Variants in TBXT observed in about 807,000 individuals in gnomAD.
TBXT encodes the protein T brachyury transcription factor.
A neutral mutation model predicts 41.1 loss-of-function variants in TBXT; 19 were observed. The ratio of observed to expected loss-of-function variants is 0.46; its 90% CI spans 0.32 to 0.68. TBXT has a LOEUF of 0.68. Ranked by LOEUF, TBXT falls within the 30% of genes least tolerant of loss-of-function variation. The probability of loss-of-function intolerance (pLI) is 0.03; values close to 1 mark genes in which losing one functional copy is unlikely to be tolerated. For missense variants in TBXT, 536 were observed against 582.0 expected (o/e 0.92, Z 0.81); for synonymous variants, 213 against 238.9 (o/e 0.89, Z 1.00).
intron 3 of TBXT, 55 bp downstream of exon 3, chr6:166,165,651 G>T: frequency 6.2e-7 from 1 of 1,612,328 alleles, no homozygotes; most frequent in Non-Finnish European, 8.5e-7. Flanking sequence ...TCTCCACGGA[G>T]CAGCACACCA....
At chr6:166,164,769 C>T (rs1779063429) in intron 4 of TBXT, 31 bp downstream of exon 4, 1 of 1,612,472 alleles carries the variant, frequency 6.2e-7, no homozygotes, top group African/African-American at 1.3e-5. Context: ...ACTTCTTTGC[C>T]CAAGGGTATT....
chr6:166,167,785 G>A lies in TBXT; in HGVS notation c.-194C>T, dbSNP rs1247426780. 4.6e-6 allele frequency: 3 copies of A among 648,170 alleles called. No homozygotes were observed. The highest frequency in any genetic ancestry group is 8.0e-6 in the Non-Finnish European group (3 of 376,104). The allele number at this position is 648,170 out of a possible 1,614,324, so 40.2% of individuals were successfully genotyped here. A position where few individuals can be genotyped will look rare whatever the true frequency, so the allele number is the denominator to read the frequency against. ...GGACCAAGACTTGGGGGGAGGGGACGGGGGCAGAGGGGTGGGGAGAAGTTA... is the reference window on the plus strand; with the variant it reads ...GGACCAAGACTTGGGGGGAGGGGACAGGGGCAGAGGGGTGGGGAGAAGTTA... On this transcript the variant is annotated 5_prime_UTR_variant, in exon 1 of 8. Transcript: ENST00000366876.
intron 7 of TBXT, among the ~76,000 whole-genome samples, chr6:166,160,228 G>C (rs967961881): frequency 6.6e-6 from 1 of 152,106 alleles, no homozygotes; most frequent in African/African-American, 2.4e-5. Flanking sequence ...TAATTTGTAA[G>C]CCTTTTTCCC....
At chr6:166,165,665 C>T (rs764607468) in intron 3 of TBXT, 41 bp downstream of exon 3, 3 of 1,612,786 alleles carry the variant, frequency 1.9e-6, no homozygotes, top group East Asian at 2.2e-5. Flanking sequence ...CACACCACAC[C>T]GCAGCACACC....
chr6:166,160,907 T>C lies in TBXT; in HGVS notation c.967A>G (p.Ser323Gly). 1 of 1,614,162 alleles carries C rather than the reference T, an allele frequency of 6.2e-7. No individual in the cohort carries two copies. Among genetic ancestry groups the C allele is most frequent in the Non-Finnish European group, 8.5e-7 (1 of 1,180,028 alleles). The change falls in exon 7 of 8, where the codon AGC becomes GGC. Residue 323 changes from serine to glycine, a missense_variant. Coordinates refer to ENST00000366876, the MANE Select transcript of TBXT (RefSeq NM_001366285.2). Reference protein sequence around the residue: ...SMLQSHDNWSSLGMPAHPSML... With the variant: ...SMLQSHDNWSGLGMPAHPSML... The stretch of plus-strand genomic sequence containing the variant: ...CTGGGATGGGCAGGCATTCCAAGGC[T>C]GGACCAATTGTCATGGGATTGCAGC...
Position 166,167,378 on chromosome 6 carries a change from G to T in TBXT, c.206+8C>A, listed in dbSNP as rs1358357488. The T allele has an allele frequency of 1.2e-6, 2 of 1,612,096 alleles. No individual in the cohort carries two copies. Among genetic ancestry groups the T allele is most frequent in the South Asian group, 2.2e-5 (2 of 91,062 alleles). On this transcript the variant is annotated splice_region_variant and intron_variant, in intron 1 of 7. Coordinates refer to ENST00000366876, the MANE Select transcript of TBXT (RefSeq NM_001366285.2). ...CGCGGCGCGCGCGGGCTCCGGACGCGCACCCACCTGCCGTTCTTGGTCACG... is the reference window on the plus strand; with the variant it reads ...CGCGGCGCGCGCGGGCTCCGGACGCTCACCCACCTGCCGTTCTTGGTCACG...
chr6:166,162,154 T>G (rs994537809), intron 6 of TBXT, among the ~76,000 whole-genome samples: 1 of 152,206 alleles, frequency 6.6e-6, no homozygotes, highest in Non-Finnish European at 1.5e-5. Context: ...TCGACCATGG[T>G]TCTGTGGAGA....
In TBXT at chr6:166,167,006, G is replaced by A. The variant is rs1779138600; in HGVS notation, c.207-150C>T. 5 of 1,388,782 alleles carry A rather than the reference G, an allele frequency of 3.6e-6. 1 individual carries two copies. Among genetic ancestry groups the A allele is most frequent in the Non-Finnish European group, 4.9e-6 (5 of 1,013,040 alleles). The allele number at this position is 1,388,782 out of a possible 1,614,324, so 86.0% of individuals were successfully genotyped here. ...GTGACTCCCAAGCTCCCCCTTCCCC[G>A]AGCCCTGCCAGGTCCAGGTGGCCTC... On this transcript the variant is annotated intron_variant, in intron 1 of 7. Transcript: ENST00000366876.
In TBXT at chr6:166,158,233, G is replaced by T. The variant is rs1023539502; in HGVS notation, c.*82C>A. ...CCTTCTTAACCTGAGACTGCCACTG[G>T]GTACCTAGTAGGTCAATCCAGTCAC... On this transcript the variant is annotated 3_prime_UTR_variant, in exon 8 of 8. Coordinates refer to ENST00000366876, the MANE Select transcript of TBXT (RefSeq NM_001366285.2). 4.4e-6 allele frequency: 7 copies of T among 1,607,662 alleles called. No homozygotes were observed. Among genetic ancestry groups the T allele is most frequent in the Admixed American group, 1.7e-5 (1 of 59,998 alleles).
chr6:166,162,403 G>T (rs1167693287), intron 6 of TBXT, 44 bp downstream of exon 6: 1 of 1,610,538 alleles, frequency 6.2e-7, no homozygotes, highest in Non-Finnish European at 8.5e-7. Context: ...AAGTGGTCTT[G>T]CAGCCACCCA....
At chr6:166,161,895 C>A (rs951005661) in intron 6 of TBXT, among the ~76,000 whole-genome samples, 1 of 152,078 alleles carries the variant, frequency 6.6e-6, no homozygotes, top group East Asian at 1.9e-4. Flanking sequence ...TGCACTCCAG[C>A]CTGGGCGACA....
At chr6:166,166,377 AAG>A (rs1779112703) in intron 2 of TBXT, among the ~76,000 whole-genome samples, 1 of 152,212 alleles carries the variant, frequency 6.6e-6, no homozygotes, top group African/African-American at 2.4e-5. Flanking sequence ...CAGTCCTTCA[AAG>A]GGGAGTGCTC....
chr6:166,166,956 G>A, intron 1 of TBXT, 100 bp from the exon 2 acceptor site: 1 of 1,582,606 alleles, frequency 6.3e-7, no homozygotes. Context: ...GGGGCACAGA[G>A]GAGCCCCCTG....
At chr6:166,166,889 C>A in intron 1 of TBXT, 33 bp from the exon 2 acceptor site, 1 of 1,612,652 alleles carries the variant, frequency 6.2e-7, no homozygotes. Context: ...AGGAGGACCC[C>A]GACACTGACC....
chr6:166,167,643 T>C lies in TBXT; in HGVS notation c.-52A>G, dbSNP rs1489172028. 6.5e-7 allele frequency: 1 copy of C among 1,536,026 alleles called. No homozygotes were observed. The highest frequency in any genetic ancestry group is 2.0e-5 in the Admixed American group (1 of 51,054). ...GTCCCCGAAGCCCAGACTCGCTACC[T>C]GAGATCCACCTTCCCTGCTCTTGGC... On this transcript the variant is annotated 5_prime_UTR_variant, in exon 1 of 8. Transcript: ENST00000366876.
In TBXT at chr6:166,164,314, G is replaced by C. The variant is rs577535395; in HGVS notation, c.730+291C>G. 3.7e-4 allele frequency among the ~76,000 whole-genome samples: 56 copies of C among 152,336 alleles called. No individual in the cohort carries two copies. In the South Asian group the frequency reaches 9.7e-3, roughly 27 times the overall value. On this transcript the variant is annotated intron_variant, in intron 5 of 7. Transcript: ENST00000366876. Reference sequence around the variant, plus strand: ...CTCCTGTTGCCTACCTAATACAGGAGAGTCCAAACACCCAGCTAGGTCTCA... The same window carrying C: ...CTCCTGTTGCCTACCTAATACAGGACAGTCCAAACACCCAGCTAGGTCTCA...
At chr6:166,164,729 T>C in intron 4 of TBXT, 63 bp from the exon 5 acceptor site, 1 of 1,609,590 alleles carries the variant, frequency 6.2e-7, no homozygotes, top group Middle Eastern at 1.7e-4. Flanking sequence ...CAGAAAAGAG[T>C]ATGTGCAGCA....
At position 166,167,588 on chromosome 6, in the gene TBXT, T is replaced by A. The variant is rs1779165413; in HGVS notation, c.4A>T (p.Ser2Cys). The change falls in exon 1 of 8, where the codon AGC becomes TGC. Residue 2 changes from serine to cysteine, a missense_variant. By Grantham distance (112) the Ser-to-Cys change is moderately radical. Transcript: ENST00000366876. M[S>C]SPGTESAGKS... ...CCCGCGCTCTCGGTGCCAGGGGAGC[T>A]CATCCTCCCGTCCGGCTCCCCTCCC... 1.2e-5 allele frequency: 19 copies of A among 1,556,012 alleles called. No individual in the cohort carries two copies. The highest frequency in any genetic ancestry group is 1.6e-5 in the Non-Finnish European group (19 of 1,156,792).
chr6:166,165,692 T>C lies in TBXT; in HGVS notation c.606+14A>G. 6.2e-7 allele frequency: 1 copy of C among 1,613,738 alleles called. No homozygotes were observed. Among genetic ancestry groups the C allele is most frequent in the Non-Finnish European group, 8.5e-7 (1 of 1,179,998 alleles). ...CAGCACACCGGGAAAGCGATCCGCCTCTGTCCTTCTCACCTCCTCGTTCTG... is the reference window on the plus strand; with the variant it reads ...CAGCACACCGGGAAAGCGATCCGCCCCTGTCCTTCTCACCTCCTCGTTCTG... On this transcript the variant is annotated intron_variant, in intron 3 of 7. Coordinates refer to ENST00000366876, the MANE Select transcript of TBXT (RefSeq NM_001366285.2).
Sources: gnomAD v4.1 joint callset for allele counts (sites outside exome capture counted in the v4.1 genomes callset) on GRCh38, gnomAD v4.1.1 for gene constraint, MANE v1.5 for transcripts, NCBI Gene and HGNC (gene_info 2026-07-23, HGNC 2026-07-21) for gene names.